Variants in CAPZB observed in about 807,000 individuals in gnomAD.
The protein encoded by CAPZB is F-actin-capping protein subunit beta.
In CAPZB, 2 loss-of-function variants were observed where a neutral mutation model predicts 38.1. The observed-to-expected ratio is 0.05, with a 90% CI of 0.02 to 0.17. CAPZB has a LOEUF of 0.17. Among genes scored for constraint, CAPZB ranks in the 10% least tolerant of loss-of-function variants. The pLI is 1.00. For missense variants in CAPZB, 161 were observed against 334.2 expected, an observed-to-expected ratio of 0.48 and a Z score of 4.04; for synonymous variants, 107 against 127.4, an observed-to-expected ratio of 0.84 and a Z score of 1.08.
chr1:19,367,557 A>G (rs1300286696), intron 4 of CAPZB, among the ~76,000 whole-genome samples: 4 of 152,092 alleles, frequency 2.6e-5, no homozygotes, highest in East Asian at 3.9e-4. Flanking sequence ...CTGAAACTCA[A>G]CCACCCTTGT....
At chr1:19,355,281 G>T (rs1569924652) in intron 6 of CAPZB, among the ~76,000 whole-genome samples, 1 of 152,230 alleles carries the variant, frequency 6.6e-6, no homozygotes, top group South Asian at 2.1e-4. Flanking sequence ...ATCACTTGAG[G>T]TCAGGAGTTC....
intron 2 of CAPZB, among the ~76,000 whole-genome samples, chr1:19,393,279 C>G (rs1570108923): frequency 1.3e-5 from 2 of 152,340 alleles, no homozygotes; most frequent in Non-Finnish European, 2.9e-5. Flanking sequence ...GGTGGCCAAG[C>G]TTGTTTTTGG....
intron 2 of CAPZB, among the ~76,000 whole-genome samples, chr1:19,415,985 G>A (rs2094377229): frequency 1.3e-5 from 2 of 152,226 alleles, no homozygotes; most frequent in South Asian, 2.1e-4. Context: ...TCTGGACGAT[G>A]GGAATCCACT....
chr1:19,384,472 T>G (rs2094193664), intron 3 of CAPZB, among the ~76,000 whole-genome samples: 1 of 152,226 alleles, frequency 6.6e-6, no homozygotes, highest in African/African-American at 2.4e-5. Flanking sequence ...AAAGAAACAC[T>G]ACTATTTCCG....
chr1:19,455,333 G>A (rs1218792559), intron 1 of CAPZB, among the ~76,000 whole-genome samples: 1 of 152,088 alleles, frequency 6.6e-6, no homozygotes, highest in African/African-American at 2.4e-5. Flanking sequence ...TAGAGAGAGA[G>A]TCTATTTCCA....
rs1385940717 is a variant in CAPZB at position 19,356,340 on chromosome 1, A to G, written c.588+295T>C. On this transcript the variant is annotated intron_variant, in intron 6 of 8. Transcript: ENST00000264202. The surrounding 1 kb of genome is among the most constrained non-coding windows in gnomAD (Gnocchi z 4.3). ...AACAGGGCCAAGCACCACTTCTCAC[A>G]GCACAACATGAGCTGAAGCATGGGG... Among the ~76,000 whole-genome samples, 1 of 151,952 alleles carries G rather than the reference A, an allele frequency of 6.6e-6. No homozygotes were observed. Among genetic ancestry groups the G allele is most frequent in the African/African-American group, 2.4e-5 (1 of 41,394 alleles).
At chr1:19,451,678 G>A (rs1210820728) in intron 1 of CAPZB, among the ~76,000 whole-genome samples, 3 of 151,926 alleles carry the variant, frequency 2.0e-5, no homozygotes, top group Non-Finnish European at 4.4e-5. Context: ...CAGAGACAAG[G>A]CTAGGACCAG....
chr1:19,435,617 T>C (rs2094455710), intron 1 of CAPZB, among the ~76,000 whole-genome samples: 1 of 152,260 alleles, frequency 6.6e-6, no homozygotes, highest in Admixed American at 6.5e-5. Flanking sequence ...AAGTGCTTTA[T>C]ATGCCAATAT....
At chr1:19,405,492 C>T (rs1558232598) in intron 2 of CAPZB, among the ~76,000 whole-genome samples, 1 of 130,304 alleles carries the variant, frequency 7.7e-6, no homozygotes, top group African/African-American at 2.9e-5. Flanking sequence ...ACCTGATGTA[C>T]ATATCTCCTC....
intron 4 of CAPZB, among the ~76,000 whole-genome samples, chr1:19,359,987 G>A (rs775957295): frequency 2.6e-5 from 4 of 152,190 alleles, no homozygotes; most frequent in Non-Finnish European, 5.9e-5. Context: ...TGCCTCCATA[G>A]AGCCCTCCTG....
intron 2 of CAPZB, among the ~76,000 whole-genome samples, chr1:19,417,108 C>T (rs1193113146): frequency 2.0e-5 from 3 of 152,050 alleles, no homozygotes; most frequent in Non-Finnish European, 2.9e-5. Flanking sequence ...AAAACCCGCA[C>T]GGGCAGCAAG....
At chr1:19,355,153 C>A (rs214344) in intron 6 of CAPZB, among the ~76,000 whole-genome samples, 45,482 of 151,990 alleles carry the variant, frequency 0.3, 7,491 homozygotes, top group African/African-American at 0.42. Flanking sequence ...TTTTTCAATG[C>A]ATGTAGATGT....
At chr1:19,461,143 G>A (rs2094550562) in intron 1 of CAPZB, among the ~76,000 whole-genome samples, 1 of 152,110 alleles carries the variant, frequency 6.6e-6, no homozygotes, top group Non-Finnish European at 1.5e-5. Flanking sequence ...CTCATGGGCT[G>A]AGCCTCCAGA....
chr1:19,358,286 C>T (rs910630670), intron 4 of CAPZB, among the ~76,000 whole-genome samples: 7 of 152,198 alleles, frequency 4.6e-5, no homozygotes, highest in African/African-American at 1.7e-4. Context: ...CACAGGTGTG[C>T]ACCACTGCAC....
At chr1:19,369,556 A>G (rs548422948) in intron 4 of CAPZB, among the ~76,000 whole-genome samples, 9 of 152,316 alleles carry the variant, frequency 5.9e-5, no homozygotes, top group African/African-American at 1.7e-4. Context: ...AGACACAAAC[A>G]TGTTCAAACC....
At chr1:19,340,879 CT>C (rs2093924463) in intron 8 of CAPZB, among the ~76,000 whole-genome samples, 1 of 151,906 alleles carries the variant, frequency 6.6e-6, no homozygotes, top group South Asian at 2.1e-4. Flanking sequence ...GGGTAGAGGG[CT>C]GCTCAAGAAG....
chr1:19,399,382 T>C (rs991523575), intron 2 of CAPZB, among the ~76,000 whole-genome samples: 7 of 152,054 alleles, frequency 4.6e-5, no homozygotes, highest in South Asian at 2.1e-4. Context: ...CAGAGTTAGG[T>C]TGGTAAAAAG....
chr1:19,459,463 C>T (rs1379476589), intron 1 of CAPZB, among the ~76,000 whole-genome samples: 7 of 152,000 alleles, frequency 4.6e-5, no homozygotes, highest in Admixed American at 4.6e-4. Context: ...AATAGGAGAC[C>T]TGCTTTGATT....
intron 1 of CAPZB, among the ~76,000 whole-genome samples, chr1:19,474,065 G>A (rs557939722): frequency 3.3e-5 from 5 of 151,488 alleles, no homozygotes; most frequent in Admixed American, 6.6e-5. Context: ...ATGTGATCTC[G>A]GCTCACTGCA....
Sources: allele counts gnomAD v4.1 joint callset (sites outside exome capture counted in the v4.1 genomes callset), GRCh38; gene constraint gnomAD v4.1.1; non-coding constraint Gnocchi (gnomAD v3.1); transcripts MANE v1.5; gene names NCBI Gene and HGNC (gene_info 2026-07-23, HGNC 2026-07-21).